Variants in ADGB observed in about 807,000 individuals in gnomAD.
ADGB encodes androglobin.
In ADGB, 172 loss-of-function variants were observed where a neutral mutation model predicts 210.5. The observed-to-expected ratio is 0.82, with a 90% CI of 0.72 to 0.93. The LOEUF (loss-of-function observed/expected upper bound fraction) is 0.93. ADGB is among the 40% of genes least tolerant of loss of function. ADGB has a pLI of 0.00. For missense variants in ADGB, 2,025 were observed against 1,964.8 expected (o/e 1.03, Z -0.58); for synonymous variants, 658 against 662.7 (o/e 0.99, Z 0.11).
chr6:146,704,795 A>G (rs1298287028), intron 13 of ADGB, among the ~76,000 whole-genome samples: 1 of 151,912 alleles, frequency 6.6e-6, no homozygotes, highest in Non-Finnish European at 1.5e-5. Flanking sequence ...TGTTTTTAAT[A>G]TATCTGTCTA....
At chr6:146,811,751 A>C (rs1778306052) in intron 35 of ADGB, among the ~76,000 whole-genome samples, 1 of 152,084 alleles carries the variant, frequency 6.6e-6, no homozygotes, top group Non-Finnish European at 1.5e-5. Context: ...AGCTCACTGC[A>C]ACCTCCACCT....
chr6:146,705,850 TG>T (rs2114550680), intron 13 of ADGB, among the ~76,000 whole-genome samples: 1 of 152,260 alleles, frequency 6.6e-6, no homozygotes, highest in Non-Finnish European at 1.5e-5. Context: ...TTGAGAAGGA[TG>T]GTATTAATTA....
At chr6:146,754,158 AT>A (rs1333075084) in intron 27 of ADGB, among the ~76,000 whole-genome samples, 6 of 151,334 alleles carry the variant, frequency 4.0e-5, no homozygotes, top group African/African-American at 1.2e-4. Context: ...TTCATTTAGT[AT>A]TTCCAATGTA....
chr6:146,791,645 G>A (rs1777958018), intron 33 of ADGB, among the ~76,000 whole-genome samples: 1 of 152,048 alleles, frequency 6.6e-6, no homozygotes, highest in African/African-American at 2.4e-5. Flanking sequence ...GGCCTAAGCT[G>A]ATTCTTATAT....
At position 146,747,781 on chromosome 6, in the gene ADGB, G is replaced by GT. The variant is rs1217209841; in HGVS notation, c.3365+1673dup. Among the ~76,000 whole-genome samples, 7 of 104,028 alleles carry GT rather than the reference G, an allele frequency of 6.7e-5. No homozygotes were observed. The East Asian group carries it at 9.5e-4, about 14-fold the overall frequency. 68.2% of individuals were successfully genotyped at this position (104,028 alleles called of 152,430 possible). A position where few individuals can be genotyped will look rare whatever the true frequency, so the allele number is the denominator to read the frequency against. The stretch of plus-strand genomic sequence containing the variant: ...TGTGTATATACATATATATATATAT[G>GT]TATTTTTTTTTTTTTGAGACAGAGT... On this transcript the variant is annotated intron_variant, in intron 26 of 35. Transcript: ENST00000397944.
chr6:146,685,783 A>G lies in ADGB; in HGVS notation c.1266A>G (p.Thr422=), dbSNP rs774853128. The G allele has an allele frequency of 9.3e-5, 143 of 1,541,904 alleles. No homozygotes were observed. The highest frequency in any genetic ancestry group is 1.2e-4 in the Non-Finnish European group (140 of 1,142,928). The change falls in exon 10 of 36, where the codon ACA becomes ACG. Residue 422 remains threonine, a synonymous_variant. Coordinates refer to ENST00000397944, the MANE Select transcript of ADGB (RefSeq NM_024694.4). ...TSHMVVYATF[T]PLYLFENKIF... The stretch of plus-strand genomic sequence containing the variant: ...ATATGGTCGTATATGCGACATTTAC[A>G]CCTCTTTATTTGTTTGAAAACAAGA...
intron 31 of ADGB, among the ~76,000 whole-genome samples, chr6:146,785,173 C>T (rs1179210504): frequency 6.6e-6 from 1 of 152,104 alleles, no homozygotes; most frequent in Non-Finnish European, 1.5e-5. Flanking sequence ...GATTAAAAAC[C>T]ATGTGCTGCC....
intron 27 of ADGB, among the ~76,000 whole-genome samples, chr6:146,753,577 T>C (rs1777358388): frequency 6.6e-6 from 1 of 151,974 alleles, no homozygotes; most frequent in South Asian, 2.1e-4. Context: ...AATTAGACTT[T>C]ATGAAACTTG....
At chr6:146,692,692 C>T (rs1253386760) in intron 11 of ADGB, 133 bp from the exon 12 acceptor site, 1 of 475,958 alleles carries the variant, frequency 2.1e-6, no homozygotes, top group African/African-American at 2.0e-5. Context: ...GTTTTACATT[C>T]CTATTTCACA....
intron 5 of ADGB, among the ~76,000 whole-genome samples, chr6:146,659,909 T>A (rs1775832147): frequency 6.6e-6 from 1 of 152,204 alleles, no homozygotes; most frequent in African/African-American, 2.4e-5. Context: ...TTTCATTTGT[T>A]TCTGATAAAC....
In ADGB at chr6:146,707,327, T is replaced by C. The variant is rs1776587667; in HGVS notation, c.1707+6257T>C. ...TATTCCACTGCTGCTAGATGCAATG[T>C]TCTGTATATATCTGTTAGGTCCATT... On this transcript the variant is annotated intron_variant, in intron 13 of 35. Coordinates refer to ENST00000397944, the MANE Select transcript of ADGB (RefSeq NM_024694.4). Among the ~76,000 whole-genome samples the C allele has an allele frequency of 2.0e-5, 3 of 152,214 alleles. No individual in the cohort carries two copies. In the South Asian group the frequency reaches 6.2e-4, roughly 31 times the overall value.
chr6:146,623,051 T>C (rs936225139), intron 1 of ADGB, among the ~76,000 whole-genome samples: 3 of 152,038 alleles, frequency 2.0e-5, no homozygotes, highest in African/African-American at 7.2e-5. Context: ...TCTGTTCCTT[T>C]GATCTGTTTA....
At chr6:146,637,896 T>A (rs966046664) in intron 2 of ADGB, among the ~76,000 whole-genome samples, 2 of 151,962 alleles carry the variant, frequency 1.3e-5, no homozygotes, top group African/African-American at 2.4e-5. Context: ...CATGAGAACA[T>A]CATCATCCTG....
At chr6:146,656,687 G>A (rs1562266351) in intron 4 of ADGB, 84 bp from the exon 5 acceptor site, 11 of 888,474 alleles carry the variant, frequency 1.2e-5, no homozygotes, top group East Asian at 2.7e-5. Flanking sequence ...TCTTGGAAGT[G>A]GATTTTTTTA....
chr6:146,728,554 G>A lies in ADGB; in HGVS notation c.2353-20G>A. The stretch of plus-strand genomic sequence containing the variant: ...CACTTAAGGATGAGTGAGGATGGCT[G>A]CCATGCTTTGTCTTCACAGGAGAGC... On this transcript the variant is annotated intron_variant, in intron 19 of 35. Transcript: ENST00000397944. 1 of 1,547,750 alleles carries A rather than the reference G, an allele frequency of 6.5e-7. No individual in the cohort carries two copies. The highest frequency in any genetic ancestry group is 8.7e-7 in the Non-Finnish European group (1 of 1,144,068).
At chr6:146,672,031 A>G (rs552953931) in intron 7 of ADGB, among the ~76,000 whole-genome samples, 189 bp from the exon 8 acceptor site, 40 of 152,214 alleles carry the variant, frequency 2.6e-4, no homozygotes, top group Non-Finnish European at 5.0e-4. Flanking sequence ...AGCCCAGCAC[A>G]CAGTAGGCAC....
intron 9 of ADGB, among the ~76,000 whole-genome samples, chr6:146,681,782 G>A (rs1022385223): frequency 6.6e-6 from 1 of 152,020 alleles, no homozygotes; most frequent in Non-Finnish European, 1.5e-5. Flanking sequence ...TGCAAACATT[G>A]TCTGGTAGGA....
chr6:146,746,149 A>T, intron 26 of ADGB, 40 bp downstream of exon 26: 1 of 1,342,716 alleles, frequency 7.4e-7, no homozygotes, highest in Non-Finnish European at 1.0e-6. Context: ...ATTTTTTAAA[A>T]AATATTAATA....
intron 35 of ADGB, chr6:146,803,454 T>C: frequency 6.2e-7 from 1 of 1,607,156 alleles, no homozygotes; most frequent in Non-Finnish European, 8.5e-7. Flanking sequence ...GCTGTTTTTT[T>C]CTGTAACAAA....
Sources: gnomAD v4.1 joint callset for allele counts (sites outside exome capture counted in the v4.1 genomes callset) on GRCh38, gnomAD v4.1.1 for gene constraint, MANE v1.5 for transcripts, NCBI Gene and HGNC (gene_info 2026-07-23, HGNC 2026-07-21) for gene names.